Variants in DLGAP2 observed in about 807,000 individuals in gnomAD.
The protein encoded by DLGAP2 is DLG associated protein 2.
Under a neutral mutation model 100.3 loss-of-function variants are expected in DLGAP2, and 26 were observed. The ratio of observed to expected loss-of-function variants is 0.26; its 90% confidence interval spans 0.19 to 0.36. The LOEUF is 0.36. Ranked by LOEUF, DLGAP2 falls within the 10% of genes least tolerant of loss-of-function variation. The probability of loss-of-function intolerance (pLI) is 1.00; values close to 1 mark genes in which losing one functional copy is unlikely to be tolerated. For synonymous variants in DLGAP2, 886 were observed against 630.1 expected (o/e 1.41, Z -6.08); for missense variants, 1,858 against 1,453.2 (o/e 1.28, Z -4.53).
Position 1,687,553 on chromosome 8 carries a change from G to C in DLGAP2, c.2705-3982G>C, listed in dbSNP as rs531101848. Among the ~76,000 whole-genome samples, 14 of 152,284 alleles carry C rather than the reference G, an allele frequency of 9.2e-5. No individual in the cohort carries two copies. The South Asian group carries it at 2.9e-3, about 32-fold the overall frequency. On this transcript the variant is annotated intron_variant, in intron 12 of 14. Transcript: ENST00000637795. ...GAACAGCAAAATTCTCCTACCATTA[G>C]CAGGCATGTCATTAGCTACACTTTT... is the stretch of plus-strand genomic sequence containing the variant.
At chr8:1,490,979 C>A (rs1403820245) in intron 3 of DLGAP2, among the ~76,000 whole-genome samples, 4 of 145,450 alleles carry the variant, frequency 2.8e-5, no homozygotes, top group African/African-American at 1.0e-4. Flanking sequence ...ACATATGTAA[C>A]AAACCTGCAC....
At chr8:1,700,595 G>C (rs1401357349) in intron 14 of DLGAP2, among the ~76,000 whole-genome samples, 1 of 151,094 alleles carries the variant, frequency 6.6e-6, no homozygotes, top group African/African-American at 2.5e-5. Context: ...TGAGCTAAGG[G>C]TGAGAAATAC....
At chr8:1,290,340 G>GTGCCTAC (rs1800031132) in intron 3 of DLGAP2, among the ~76,000 whole-genome samples, 1 of 152,154 alleles carries the variant, frequency 6.6e-6, no homozygotes, top group Admixed American at 6.5e-5. Context: ...GTTTGCATAT[G>GTGCCTAC]ATGGTCCCGC....
At chr8:1,518,779 C>G (rs1367360627) in intron 4 of DLGAP2, among the ~76,000 whole-genome samples, 1 of 152,102 alleles carries the variant, frequency 6.6e-6, no homozygotes, top group Non-Finnish European at 1.5e-5. Context: ...CATATCGAAC[C>G]CATGTTAGAT....
At chr8:818,357 C>A (rs1796524441) in intron 1 of DLGAP2, among the ~76,000 whole-genome samples, 1 of 152,190 alleles carries the variant, frequency 6.6e-6, no homozygotes, top group Non-Finnish European at 1.5e-5. Context: ...TCCCACCGTG[C>A]CCCACCAACA....
Position 789,924 on chromosome 8 carries a change from G to C in DLGAP2, c.18+52099G>C, listed in dbSNP as rs185595428. Among the ~76,000 whole-genome samples the C allele has an allele frequency of 2.0e-5, 3 of 152,306 alleles. No individual in the cohort carries two copies. In the East Asian group the frequency reaches 5.8e-4, roughly 29 times the overall value. ...AAGTCAGAATCTTAGCTGCACCCCT[G>C]ACCCACTGTGCTTAAGGTTTCTGAT... On this transcript the variant is annotated intron_variant, in intron 1 of 14. Coordinates refer to ENST00000637795, the MANE Select transcript of DLGAP2 (RefSeq NM_001346810.2).
At chr8:1,565,586 C>A (rs1213506916) in intron 5 of DLGAP2, 97 bp from the exon 6 acceptor site, 3 of 934,770 alleles carry the variant, frequency 3.2e-6, no homozygotes, top group Non-Finnish European at 4.8e-6. Context: ...AGAGGTGTAT[C>A]TTTATGGAAT....
At chr8:829,461 T>C (rs1796741929) in intron 1 of DLGAP2, among the ~76,000 whole-genome samples, 1 of 152,216 alleles carries the variant, frequency 6.6e-6, no homozygotes, top group Non-Finnish European at 1.5e-5. Context: ...TGTTTATTTA[T>C]AAGTAAAGAA....
At chr8:1,176,854 A>G (rs919229057) in intron 2 of DLGAP2, among the ~76,000 whole-genome samples, 1 of 152,042 alleles carries the variant, frequency 6.6e-6, no homozygotes, top group Non-Finnish European at 1.5e-5. Flanking sequence ...CCACCCTCTC[A>G]TGGAGTAGCA....
Position 1,407,383 on chromosome 8 carries a change from G to A in DLGAP2, c.107-93983G>A, listed in dbSNP as rs371788521. On this transcript the variant is annotated intron_variant, in intron 3 of 14. Transcript: ENST00000637795. ...ACTGAGCGCTCCCTCCTTGTCCTCCGGAGTCCTGTATTGAGTGCTTACTGA... is the reference window on the plus strand; with the variant it reads ...ACTGAGCGCTCCCTCCTTGTCCTCCAGAGTCCTGTATTGAGTGCTTACTGA... Among the ~76,000 whole-genome samples, 51 of 75,784 alleles carry A rather than the reference G, an allele frequency of 6.7e-4. 1 individual carries two copies. Among genetic ancestry groups the A allele is most frequent in the East Asian group, 2.3e-3 (3 of 1,298 alleles). 49.7% of individuals were successfully genotyped at this position (75,784 alleles called of 152,430 possible).
intron 3 of DLGAP2, among the ~76,000 whole-genome samples, chr8:1,377,501 A>G (rs939858586): frequency 9.9e-5 from 15 of 152,160 alleles, no homozygotes; most frequent in African/African-American, 3.4e-4. Context: ...CTGAGATCGC[A>G]CCACTGCACT....
chr8:1,105,979 A>T (rs1804750856), intron 2 of DLGAP2, among the ~76,000 whole-genome samples: 1 of 149,410 alleles, frequency 6.7e-6, no homozygotes, highest in Non-Finnish European at 1.5e-5. Context: ...TTTTCTATTG[A>T]AGGAGGCCAT....
intron 2 of DLGAP2, among the ~76,000 whole-genome samples, chr8:1,149,209 A>G (rs1044927334): frequency 3.9e-5 from 6 of 151,962 alleles, no homozygotes; most frequent in African/African-American, 7.3e-5. Context: ...GCAGTGGCGC[A>G]ATGTCGGCTC....
intron 3 of DLGAP2, among the ~76,000 whole-genome samples, chr8:1,326,307 T>G (rs1252381574): frequency 2.6e-5 from 4 of 152,224 alleles, no homozygotes; most frequent in African/African-American, 7.2e-5. Context: ...GCACATATAT[T>G]TTGTTCTTCC....
At chr8:1,184,025 T>C (rs748268608) in intron 2 of DLGAP2, among the ~76,000 whole-genome samples, 2 of 152,236 alleles carry the variant, frequency 1.3e-5, no homozygotes, top group African/African-American at 2.4e-5. Context: ...CTGTTAATAT[T>C]ATATGATGGT....
chr8:830,497 C>T (rs573080799), intron 1 of DLGAP2, among the ~76,000 whole-genome samples: 3 of 152,238 alleles, frequency 2.0e-5, no homozygotes, highest in South Asian at 2.1e-4. Flanking sequence ...TCTCTATCTC[C>T]GTGAGTTAGG....
chr8:989,901 T>C (rs1186054155), intron 2 of DLGAP2, among the ~76,000 whole-genome samples: 5 of 152,176 alleles, frequency 3.3e-5, no homozygotes, highest in Non-Finnish European at 7.3e-5. Flanking sequence ...CTAAGTCTTT[T>C]AAAAATAACT....
At chr8:881,648 C>T (rs1317582052) in intron 1 of DLGAP2, among the ~76,000 whole-genome samples, 26 of 74,360 alleles carry the variant, frequency 3.5e-4, no homozygotes, top group Non-Finnish European at 5.5e-4. Flanking sequence ...TATAGGCGCA[C>T]GCCACCACTT....
intron 3 of DLGAP2, among the ~76,000 whole-genome samples, chr8:1,468,725 C>T (rs1798699977): frequency 1.3e-5 from 2 of 152,198 alleles, no homozygotes; most frequent in South Asian, 4.1e-4. Context: ...GGCATCTTCT[C>T]GCCATTCTGG....
Sources: gnomAD v4.1 joint callset for allele counts (sites outside exome capture counted in the v4.1 genomes callset) on GRCh38, gnomAD v4.1.1 for gene constraint, MANE v1.5 for transcripts, NCBI Gene and HGNC (gene_info 2026-07-23, HGNC 2026-07-21) for gene names.